The following MED27 variants were observed in gnomAD, a reference collection of about 807,000 sequenced individuals.
The protein encoded by MED27 is mediator complex subunit 27, also known as mediator of RNA polymerase II transcription subunit 27.
A neutral mutation model predicts 38.2 loss-of-function variants in MED27; 30 were observed. That is an observed-to-expected ratio of 0.79 (90% CI 0.59 to 1.07). MED27 has a LOEUF of 1.07. MED27 is among the 50% of genes least tolerant of loss of function. MED27 has a pLI of 0.00. For synonymous variants in MED27, 122 were observed against 153.5 expected, an observed-to-expected ratio of 0.79 and a Z score of 1.52; for missense variants, 289 against 397.5, an observed-to-expected ratio of 0.73 and a Z score of 2.32.
intron 2 of MED27, among the ~76,000 whole-genome samples, chr9:132,064,239 C>T (rs997269958): frequency 6.6e-5 from 10 of 152,260 alleles, no homozygotes; most frequent in African/African-American, 2.4e-4. Flanking sequence ...CAAGAGAATA[C>T]AGAGCATCCG....
At chr9:131,999,445 G>A (rs1480142165) in intron 3 of MED27, among the ~76,000 whole-genome samples, 1 of 152,086 alleles carries the variant, frequency 6.6e-6, no homozygotes, top group African/African-American at 2.4e-5. Context: ...GGTTTCTAAG[G>A]GACAAAGATG....
At chr9:131,955,649 T>C (rs1413873311) in intron 3 of MED27, among the ~76,000 whole-genome samples, 1 of 152,210 alleles carries the variant, frequency 6.6e-6, no homozygotes, top group African/African-American at 2.4e-5. Context: ...GAAGTGGATG[T>C]CTTTGAAAGA....
chr9:131,965,399 A>C (rs549632836), intron 3 of MED27, among the ~76,000 whole-genome samples: 4 of 152,354 alleles, frequency 2.6e-5, no homozygotes, highest in African/African-American at 9.6e-5. Flanking sequence ...AATCTATTAG[A>C]GTGTGGCTTA....
At chr9:131,879,331 CCTGCTTTCCGAGTT>C (rs1175308321) in intron 6 of MED27, among the ~76,000 whole-genome samples, 1 of 152,230 alleles carries the variant, frequency 6.6e-6, no homozygotes, top group African/African-American at 2.4e-5. Flanking sequence ...GGCGTGGCTT[CCTGCTTTCCGAGTT>C]CTGCTTTCCC....
At chr9:131,897,805 G>A (rs1246802772) in intron 4 of MED27, among the ~76,000 whole-genome samples, 2 of 152,212 alleles carry the variant, frequency 1.3e-5, no homozygotes, top group Non-Finnish European at 2.9e-5. Flanking sequence ...CTTTGGGCAG[G>A]GAAGGGGTTT....
At chr9:131,943,027 C>T (rs1266867056) in intron 3 of MED27, among the ~76,000 whole-genome samples, 2 of 152,106 alleles carry the variant, frequency 1.3e-5, no homozygotes, top group African/African-American at 4.8e-5. Flanking sequence ...GTTGTTTCTT[C>T]CCCAACCCGT....
chr9:132,020,860 A>G (rs914366790), intron 2 of MED27, among the ~76,000 whole-genome samples: 2 of 152,180 alleles, frequency 1.3e-5, no homozygotes, highest in Non-Finnish European at 2.9e-5. Flanking sequence ...AATAGTTTAG[A>G]AAAAAACACC....
At chr9:131,910,100 C>T (rs1056980380) in intron 4 of MED27, among the ~76,000 whole-genome samples, 3 of 152,086 alleles carry the variant, frequency 2.0e-5, no homozygotes, top group South Asian at 2.1e-4. Context: ...AAGGGGAAAC[C>T]GAGGCGCTGG....
At chr9:131,876,474 G>A (rs576956568) in intron 6 of MED27, among the ~76,000 whole-genome samples, 6 of 152,202 alleles carry the variant, frequency 3.9e-5, no homozygotes, top group Admixed American at 2.0e-4. Context: ...CTGGGGCGGC[G>A]TAAGAGGAGA....
At chr9:131,901,330 C>G (rs1301192055) in intron 4 of MED27, among the ~76,000 whole-genome samples, 1 of 152,312 alleles carries the variant, frequency 6.6e-6, no homozygotes, top group South Asian at 2.1e-4. Flanking sequence ...TTCACAGAAT[C>G]ATAGAACTGT....
intron 2 of MED27, among the ~76,000 whole-genome samples, chr9:132,014,940 G>A (rs1327262937): frequency 6.6e-6 from 1 of 152,104 alleles, no homozygotes; most frequent in Non-Finnish European, 1.5e-5. Context: ...TGGTTTTAAA[G>A]CCTACGTAAT....
intron 3 of MED27, among the ~76,000 whole-genome samples, chr9:131,991,702 T>G (rs1438914538): frequency 6.6e-6 from 1 of 152,140 alleles, no homozygotes; most frequent in Non-Finnish European, 1.5e-5. Flanking sequence ...CTTGGAGATA[T>G]CAATCATTTA....
intron 4 of MED27, among the ~76,000 whole-genome samples, chr9:131,938,960 G>A (rs1164656303): frequency 1.3e-5 from 2 of 152,090 alleles, no homozygotes; most frequent in Non-Finnish European, 2.9e-5. Context: ...TGATCCGCCC[G>A]CCTCAGCCTC....
At chr9:131,963,917 CT>C (rs1344682058) in intron 3 of MED27, among the ~76,000 whole-genome samples, 1 of 152,114 alleles carries the variant, frequency 6.6e-6, no homozygotes, top group Non-Finnish European at 1.5e-5. Context: ...TCGGTTAGGC[CT>C]CCTCTCCATA....
At chr9:132,009,896 T>C (rs1188549889) in intron 3 of MED27, among the ~76,000 whole-genome samples, 1 of 152,264 alleles carries the variant, frequency 6.6e-6, no homozygotes, top group Non-Finnish European at 1.5e-5. Flanking sequence ...GTGCTTATAA[T>C]AAAAATTTTG....
intron 3 of MED27, among the ~76,000 whole-genome samples, chr9:131,976,460 G>A (rs576971697): frequency 7.9e-5 from 12 of 152,354 alleles, no homozygotes; most frequent in African/African-American, 2.9e-4. Context: ...TGTATTATTA[G>A]TAGGTTATCT....
rs971657286 is a variant in MED27, at chr9:131,883,057, G to A, written c.723+1001C>T. 1.3e-5 allele frequency among the ~76,000 whole-genome samples: 2 copies of A among 152,212 alleles called. No individual in the cohort carries two copies. Among genetic ancestry groups the A allele is most frequent in the Non-Finnish European group, 2.9e-5 (2 of 67,992 alleles). ...TGAGTAGCTAGGATTATAGGCGCCC[G>A]CCACCATGCCCGGCTAATTTTATAT... is the stretch of plus-strand genomic sequence containing the variant. On this transcript the variant is annotated intron_variant, in intron 6 of 7. Transcript: ENST00000292035. This position sits in a 1 kb window ranked among gnomAD's most constrained non-coding sequence, Gnocchi z 4.2.
chr9:131,866,191 T>C (rs971141345), intron 6 of MED27, among the ~76,000 whole-genome samples: 1 of 152,206 alleles, frequency 6.6e-6, no homozygotes, highest in Non-Finnish European at 1.5e-5. Context: ...TCATCTTCCC[T>C]GGCCTGACAG....
intron 2 of MED27, among the ~76,000 whole-genome samples, chr9:132,065,430 C>T (rs1833788656): frequency 6.6e-6 from 1 of 152,200 alleles, no homozygotes; most frequent in East Asian, 1.9e-4. Context: ...AGTACGATTC[C>T]TGTTTAAAAC....
Sources: allele counts gnomAD v4.1 joint callset (sites outside exome capture counted in the v4.1 genomes callset), GRCh38; gene constraint gnomAD v4.1.1; non-coding constraint Gnocchi (gnomAD v3.1); transcripts MANE v1.5; gene names NCBI Gene and HGNC (gene_info 2026-07-23, HGNC 2026-07-21).